KCNT2: variants seen among roughly 807,000 people sequenced by gnomAD.
KCNT2 encodes the protein potassium sodium-activated channel subfamily T member 2.
Under a neutral mutation model 153.8 loss-of-function variants are expected in KCNT2, and 67 were observed. The observed-to-expected ratio is 0.44, with a 90% CI of 0.36 to 0.53. KCNT2 has a LOEUF of 0.53. KCNT2 is among the 20% of genes least tolerant of loss of function. The probability of loss-of-function intolerance (pLI) is 0.00; values close to 1 mark genes in which losing one functional copy is unlikely to be tolerated. For missense variants in KCNT2, 975 were observed against 1,354.8 expected (o/e 0.72, Z 4.40); for synonymous variants, 500 against 458.8 (o/e 1.09, Z -1.15).
intron 1 of KCNT2, among the ~76,000 whole-genome samples, chr1:196,602,060 T>C (rs2149032707): frequency 6.6e-6 from 1 of 152,254 alleles, no homozygotes; most frequent in South Asian, 2.1e-4. Context: ...CAATCAAGGA[T>C]TGTGAAAGAT....
intron 1 of KCNT2, among the ~76,000 whole-genome samples, chr1:196,603,755 A>G (rs999129971): frequency 6.6e-6 from 1 of 152,230 alleles, no homozygotes; most frequent in Non-Finnish European, 1.5e-5. Context: ...TCTTAAATAA[A>G]TGACCTTCTC....
At chr1:196,309,074 C>T (rs1375809262) in intron 21 of KCNT2, among the ~76,000 whole-genome samples, 1 of 151,678 alleles carries the variant, frequency 6.6e-6, no homozygotes, top group Non-Finnish European at 1.5e-5. Flanking sequence ...AGGGGTGATA[C>T]ATTTTGGCTA....
intron 1 of KCNT2, among the ~76,000 whole-genome samples, chr1:196,570,588 A>G (rs1660661590): frequency 6.6e-6 from 1 of 152,082 alleles, no homozygotes. Flanking sequence ...CTAAACAAGA[A>G]ATACTTTATA....
At chr1:196,436,036 A>G (rs1674624663) in intron 8 of KCNT2, among the ~76,000 whole-genome samples, 1 of 151,668 alleles carries the variant, frequency 6.6e-6, no homozygotes, top group African/African-American at 2.4e-5. Context: ...TTTTAAAATT[A>G]CTACTTCCGA....
At chr1:196,361,241 C>G (rs988981191) in intron 14 of KCNT2, among the ~76,000 whole-genome samples, 5 of 151,728 alleles carry the variant, frequency 3.3e-5, no homozygotes, top group African/African-American at 1.2e-4. Flanking sequence ...TCCTACACTC[C>G]CTGCCCACAC....
At chr1:196,268,316 C>A (rs375319417) in intron 25 of KCNT2, among the ~76,000 whole-genome samples, 1 of 152,216 alleles carries the variant, frequency 6.6e-6, no homozygotes, top group East Asian at 1.9e-4. Context: ...TACACCTACA[C>A]ATTTAAGACC....
At chr1:196,509,491 G>A (rs1008661398) in intron 1 of KCNT2, among the ~76,000 whole-genome samples, 10 of 152,206 alleles carry the variant, frequency 6.6e-5, no homozygotes, top group Admixed American at 5.2e-4. Context: ...ATATGTCAGT[G>A]ATCAGTTTTA....
chr1:196,326,822 G>T lies in KCNT2; in HGVS notation c.2171C>A (p.Ala724Glu). Residue 724 changes from alanine to glutamate, a missense_variant, in exon 19 of 28, where the codon GCA becomes GAA. By Grantham distance (107) the Ala-to-Glu change is moderately radical. Transcript: ENST00000294725. ...TAATCCATTTCCAGCTGTTTCAGCT[G>T]CAACTATAATTAGTTTATTTTTGAA... The part of the protein sequence containing the change: ...YGFKNKLIIV[A>E]AETAGNGLYN... The T allele has an allele frequency of 6.3e-7, 1 of 1,587,324 alleles. No individual in the cohort carries two copies. The highest frequency in any genetic ancestry group is 8.6e-7 in the Non-Finnish European group (1 of 1,169,520).
At chr1:196,333,817 A>C (rs1459718472) in intron 17 of KCNT2, 30 bp downstream of exon 17, 1 of 1,367,836 alleles carries the variant, frequency 7.3e-7, no homozygotes, top group African/African-American at 1.4e-5. Flanking sequence ...AAAACCCAGT[A>C]ATCTTACACC....
At chr1:196,565,932 T>C (rs1169216692) in intron 1 of KCNT2, among the ~76,000 whole-genome samples, 2 of 151,858 alleles carry the variant, frequency 1.3e-5, no homozygotes, top group African/African-American at 4.8e-5. Flanking sequence ...AATAACAATG[T>C]ATTATATTCT....
chr1:196,292,748 C>T (rs1341452750), intron 22 of KCNT2, among the ~76,000 whole-genome samples: 2 of 138,042 alleles, frequency 1.4e-5, no homozygotes, highest in African/African-American at 5.4e-5. Flanking sequence ...CGGGGCGGAA[C>T]TTGAAGCGAG....
intron 3 of KCNT2, among the ~76,000 whole-genome samples, chr1:196,488,167 A>T (rs1297807769): frequency 6.6e-6 from 1 of 151,930 alleles, no homozygotes; most frequent in Admixed American, 6.6e-5. Context: ...CCTGAAAGGG[A>T]TTTAAAAATA....
chr1:196,515,075 A>C (rs1681939670), intron 1 of KCNT2, among the ~76,000 whole-genome samples: 1 of 152,228 alleles, frequency 6.6e-6, no homozygotes, highest in Non-Finnish European at 1.5e-5. Flanking sequence ...CCAAAAGGAT[A>C]TCTGGGAAAC....
intron 12 of KCNT2, among the ~76,000 whole-genome samples, chr1:196,404,788 C>G (rs993638695): frequency 6.6e-6 from 1 of 151,606 alleles, no homozygotes; most frequent in Admixed American, 6.6e-5. Context: ...TTTGCTCACC[C>G]TAGCTTATCC....
chr1:196,401,857 A>G (rs561834919), intron 12 of KCNT2, among the ~76,000 whole-genome samples: 15 of 151,768 alleles, frequency 9.9e-5, no homozygotes, highest in African/African-American at 3.4e-4. Context: ...TCTAAACTAT[A>G]TAAACAAAAA....
intron 8 of KCNT2, among the ~76,000 whole-genome samples, chr1:196,444,597 A>T (rs1437488298): frequency 6.6e-6 from 1 of 151,420 alleles, no homozygotes; most frequent in Non-Finnish European, 1.5e-5. Flanking sequence ...AAAATGCATT[A>T]CTCTGGTGCA....
intron 1 of KCNT2, among the ~76,000 whole-genome samples, chr1:196,534,751 G>A (rs901652568): frequency 4.6e-5 from 7 of 152,224 alleles, no homozygotes; most frequent in South Asian, 4.2e-4. Flanking sequence ...TAGATAGATC[G>A]TAAAATCCAC....
At chr1:196,382,271 A>ATTT in intron 13 of KCNT2, among the ~76,000 whole-genome samples, 1 of 148,706 alleles carries the variant, frequency 6.7e-6, no homozygotes, top group South Asian at 2.1e-4. Context: ...GCTATTTTTT[A>ATTT]TTTTTTTTTG....
intron 3 of KCNT2, among the ~76,000 whole-genome samples, chr1:196,488,857 G>C (rs1679637122): frequency 6.6e-6 from 1 of 151,986 alleles, no homozygotes; most frequent in African/African-American, 2.4e-5. Flanking sequence ...CATATAGAAA[G>C]GACTGATAAG....
Sources: allele counts gnomAD v4.1 joint callset (sites outside exome capture counted in the v4.1 genomes callset), GRCh38; gene constraint gnomAD v4.1.1; transcripts MANE v1.5; gene names NCBI Gene and HGNC (gene_info 2026-07-23, HGNC 2026-07-21).